Variants in NTNG1 observed in about 807,000 individuals in gnomAD.
The protein encoded by NTNG1 is netrin-G1.
In NTNG1, 16 loss-of-function variants were observed where a neutral mutation model predicts 54.0. The observed-to-expected ratio is 0.30, with a 90% CI of 0.20 to 0.45. The LOEUF (loss-of-function observed/expected upper bound fraction) is 0.45. NTNG1 is among the 20% of genes least tolerant of loss of function. The probability of loss-of-function intolerance (pLI) is 1.00; values close to 1 mark genes in which losing one functional copy is unlikely to be tolerated. For synonymous variants in NTNG1, 255 were observed against 263.1 expected (o/e 0.97, Z 0.30); for missense variants, 530 against 678.7 (o/e 0.78, Z 2.43).
Position 107,484,376 on chromosome 1 carries a change from T to C in NTNG1, c.*3536T>C, listed in dbSNP as rs186813418. On this transcript the variant is annotated 3_prime_UTR_variant, in exon 8 of 8. Coordinates refer to ENST00000370068, the MANE Select transcript of NTNG1 (RefSeq NM_001113226.3). ...TCTATACCTGGGCTTCCAAGGGTTA[T>C]GAAAGCATCATGTGTCAAAGTGGCA... Among the ~76,000 whole-genome samples the C allele has an allele frequency of 6.6e-6, 1 of 152,330 alleles. No individual in the cohort carries two copies. The highest frequency in any genetic ancestry group is 6.5e-5 in the Admixed American group (1 of 15,310).
chr1:107,165,787 CT>C (rs1655749101), intron 2 of NTNG1, among the ~76,000 whole-genome samples: 1 of 152,170 alleles, frequency 6.6e-6, no homozygotes, highest in East Asian at 1.9e-4. Flanking sequence ...TTTCCAGTGA[CT>C]TTGCCATTAT....
At chr1:107,166,243 C>T (rs1655784202) in intron 2 of NTNG1, among the ~76,000 whole-genome samples, 1 of 152,154 alleles carries the variant, frequency 6.6e-6, no homozygotes, top group African/African-American at 2.4e-5. Context: ...GACATTCTAG[C>T]TTAAGGAAAC....
intron 7 of NTNG1, chr1:107,460,388 GATA>G (rs1677207723): frequency 1.9e-6 from 1 of 518,802 alleles, no homozygotes; most frequent in Non-Finnish European, 3.8e-6. Context: ...AGCCCTCACA[GATA>G]ATATTTTACC....
chr1:107,343,990 G>A (rs1669073283), intron 3 of NTNG1, among the ~76,000 whole-genome samples: 1 of 151,902 alleles, frequency 6.6e-6, no homozygotes, highest in African/African-American at 2.4e-5. Context: ...CTGGAATACT[G>A]AATTGGATTC....
intron 7 of NTNG1, among the ~76,000 whole-genome samples, chr1:107,449,020 C>A (rs901837696): frequency 1.3e-5 from 2 of 152,020 alleles, no homozygotes; most frequent in Non-Finnish European, 2.9e-5. Context: ...ATGGCAATTA[C>A]CATTTAATCT....
intron 2 of NTNG1, among the ~76,000 whole-genome samples, chr1:107,197,987 A>C (rs1658465158): frequency 1.3e-5 from 2 of 152,014 alleles, no homozygotes; most frequent in African/African-American, 4.8e-5. Context: ...TTTTTTTCCT[A>C]TTCTTTGAGG....
chr1:107,461,523 CTTTTTTTCTTT>C (rs375416902), intron 7 of NTNG1, among the ~76,000 whole-genome samples: 14,443 of 150,436 alleles, frequency 0.096, 820 homozygotes, highest in Non-Finnish European at 0.13. Context: ...TATGGATTCT[CTTTTTTTCTTT>C]TTTTTTTCTT....
At chr1:107,194,304 A>C (rs1658168563) in intron 2 of NTNG1, among the ~76,000 whole-genome samples, 1 of 151,938 alleles carries the variant, frequency 6.6e-6, no homozygotes, top group Non-Finnish European at 1.5e-5. Context: ...TCTGGTTTTA[A>C]ATCACTTCCC....
chr1:107,222,350 G>A (rs1220716930), intron 2 of NTNG1, among the ~76,000 whole-genome samples: 3 of 152,184 alleles, frequency 2.0e-5, no homozygotes, highest in South Asian at 2.1e-4. Context: ...TCTATATCCC[G>A]ATTCTGCAAT....
intron 3 of NTNG1, among the ~76,000 whole-genome samples, chr1:107,382,020 G>T (rs947416436): frequency 6.6e-6 from 1 of 152,102 alleles, no homozygotes; most frequent in South Asian, 2.1e-4. Flanking sequence ...AATCACAATG[G>T]TTGGTTCAAT....
chr1:107,464,463 T>C (rs1407851729), intron 7 of NTNG1, among the ~76,000 whole-genome samples: 1 of 151,946 alleles, frequency 6.6e-6, no homozygotes, highest in Non-Finnish European at 1.5e-5. Flanking sequence ...CTCAGACATA[T>C]ATGAAGGGGC....
chr1:107,470,712 T>C (rs199663904), intron 7 of NTNG1, among the ~76,000 whole-genome samples: 1 of 152,208 alleles, frequency 6.6e-6, no homozygotes. Flanking sequence ...ACTAGACAAG[T>C]GCATTTTCTG....
At chr1:107,143,993 A>G (rs955405143) in intron 1 of NTNG1, among the ~76,000 whole-genome samples, 1 of 152,090 alleles carries the variant, frequency 6.6e-6, no homozygotes, top group Admixed American at 6.5e-5. Context: ...ATAATACCCA[A>G]TCAAGTGTGA....
At chr1:107,445,881 A>C (rs974367205) in intron 7 of NTNG1, among the ~76,000 whole-genome samples, 1 of 152,122 alleles carries the variant, frequency 6.6e-6, no homozygotes, top group African/African-American at 2.4e-5. Flanking sequence ...TGTAATTTTC[A>C]TGTGCCAAGA....
intron 5 of NTNG1, among the ~76,000 whole-genome samples, chr1:107,416,463 C>G (rs1674212185): frequency 6.6e-6 from 1 of 151,910 alleles, no homozygotes; most frequent in East Asian, 1.9e-4. Flanking sequence ...CCATACAGTT[C>G]AAGAAGTCTC....
chr1:107,289,144 C>G (rs1025299280), intron 2 of NTNG1, among the ~76,000 whole-genome samples: 2 of 152,132 alleles, frequency 1.3e-5, no homozygotes, highest in African/African-American at 4.8e-5. Flanking sequence ...ACCATCAAAT[C>G]TAAAATTCAT....
intron 3 of NTNG1, among the ~76,000 whole-genome samples, chr1:107,380,129 T>C (rs1305015261): frequency 6.6e-6 from 1 of 152,074 alleles, no homozygotes; most frequent in East Asian, 1.9e-4. Context: ...CACAGGAAAA[T>C]TTGAAAGGCA....
intron 7 of NTNG1, among the ~76,000 whole-genome samples, chr1:107,474,600 T>C (rs568861742): frequency 6.6e-6 from 1 of 152,326 alleles, no homozygotes; most frequent in African/African-American, 2.4e-5. Context: ...CTGGGTAATT[T>C]ATAATGAATA....
chr1:107,301,271 G>T (rs548484628), intron 2 of NTNG1, among the ~76,000 whole-genome samples: 1 of 152,168 alleles, frequency 6.6e-6, no homozygotes, highest in Admixed American at 6.5e-5. Flanking sequence ...AGTTGATACT[G>T]GTACTTACCA....
Sources: allele counts gnomAD v4.1 joint callset (sites outside exome capture counted in the v4.1 genomes callset), GRCh38; gene constraint gnomAD v4.1.1; transcripts MANE v1.5; gene names NCBI Gene and HGNC (gene_info 2026-07-23, HGNC 2026-07-21).